PLEKHA2: variants seen among roughly 807,000 people sequenced by gnomAD.
The protein encoded by PLEKHA2 is pleckstrin homology domain containing A2.
Under a neutral mutation model 53.2 loss-of-function variants are expected in PLEKHA2, and 28 were observed. The observed-to-expected ratio is 0.53, with a 90% CI of 0.39 to 0.72. PLEKHA2 has a LOEUF of 0.72. Ranked by LOEUF, PLEKHA2 falls within the 30% of genes least tolerant of loss-of-function variation. The pLI is 0.00. For synonymous variants in PLEKHA2, 193 were observed against 196.4 expected, an observed-to-expected ratio of 0.98 and a Z score of 0.14; for missense variants, 426 against 537.9, an observed-to-expected ratio of 0.79 and a Z score of 2.06.
At chr8:38,967,076 TTAAGA>T (rs1018433398) in intron 10 of PLEKHA2, among the ~76,000 whole-genome samples, 4 of 152,184 alleles carry the variant, frequency 2.6e-5, no homozygotes, top group African/African-American at 7.2e-5. Flanking sequence ...GTTGTTTCAC[TTAAGA>T]TAATAGTTTC....
At chr8:38,934,845 T>A (rs1437533468) in intron 2 of PLEKHA2, among the ~76,000 whole-genome samples, 2 of 151,320 alleles carry the variant, frequency 1.3e-5, no homozygotes, top group Non-Finnish European at 2.9e-5. Context: ...TATTTCTATA[T>A]TGCGTGAGTT....
At chr8:38,968,528 GAGA>G in intron 10 of PLEKHA2, 61 bp from the exon 11 acceptor site, 5 of 1,509,582 alleles carry the variant, frequency 3.3e-6, no homozygotes, top group Non-Finnish European at 4.6e-6. Flanking sequence ...TATTGAGTCA[GAGA>G]CTTGGAAGCT....
intron 10 of PLEKHA2, among the ~76,000 whole-genome samples, chr8:38,957,681 A>G (rs1324726431): frequency 3.3e-5 from 5 of 152,326 alleles, no homozygotes; most frequent in South Asian, 4.1e-4. Flanking sequence ...GAACCGGTCA[A>G]TGATTTCACT....
At chr8:38,951,038 TC>T (rs1210777470) in intron 6 of PLEKHA2, 48 bp downstream of exon 6, 2 of 1,452,368 alleles carry the variant, frequency 1.4e-6, no homozygotes, top group African/African-American at 1.5e-5. Flanking sequence ...TGTGGAAGTG[TC>T]CATGGTGTGC....
intron 5 of PLEKHA2, among the ~76,000 whole-genome samples, chr8:38,947,693 A>G (rs1834740734): frequency 6.6e-6 from 1 of 152,178 alleles, no homozygotes; most frequent in South Asian, 2.1e-4. Context: ...ACTGCATGAC[A>G]CCGGAGCATA....
At chr8:38,955,355 A>G (rs747475718) in intron 9 of PLEKHA2, among the ~76,000 whole-genome samples, 1 of 152,356 alleles carries the variant, frequency 6.6e-6, no homozygotes, top group South Asian at 2.1e-4. Flanking sequence ...TTAGCCAGAA[A>G]GAGGCATTTT....
intron 2 of PLEKHA2, among the ~76,000 whole-genome samples, chr8:38,926,911 A>G (rs1192243568): frequency 3.3e-5 from 5 of 152,218 alleles, no homozygotes; most frequent in Admixed American, 2.6e-4. Flanking sequence ...GCGAGACTCC[A>G]TCTCAAAAAA....
chr8:38,950,767 C>T (rs1834818646), intron 5 of PLEKHA2, 83 bp from the exon 6 acceptor site: 4 of 1,509,936 alleles, frequency 2.6e-6, no homozygotes, highest in Admixed American at 4.1e-5. Context: ...GAGCTTTTCT[C>T]ACGGCAGCCC....
intron 1 of PLEKHA2, among the ~76,000 whole-genome samples, chr8:38,905,331 G>A (rs1397010926): frequency 3.9e-5 from 6 of 151,902 alleles, no homozygotes; most frequent in Non-Finnish European, 7.4e-5. Context: ...AGTAGTGTGC[G>A]CCTGTAGTCC....
At position 38,922,861 on chromosome 8, in the gene PLEKHA2, G is replaced by A. The variant is rs918116544; in HGVS notation, c.141+4791G>A. Among the ~76,000 whole-genome samples the A allele has an allele frequency of 1.3e-5, 2 of 152,174 alleles. No individual in the cohort carries two copies. The highest frequency in any genetic ancestry group is 4.8e-5 in the African/African-American group (2 of 41,444). ...CTGTTGTTACTCTTTGCTCATGGTT[G>A]TGCAGGTGGTAAATGCAGCGCTGGA... On this transcript the variant is annotated intron_variant, in intron 2 of 11. Transcript: ENST00000617275. The surrounding 1 kb of genome is among the most constrained non-coding windows in gnomAD (Gnocchi z 4.0).
intron 10 of PLEKHA2, among the ~76,000 whole-genome samples, chr8:38,962,353 A>C (rs1001918229): frequency 6.6e-6 from 1 of 152,100 alleles, no homozygotes; most frequent in South Asian, 2.1e-4. Context: ...ACCAAAAGAA[A>C]AGAAAAAAAT....
At chr8:38,901,648 A>G (rs1420783897) in intron 1 of PLEKHA2, 1 of 152,080 alleles carries the variant, frequency 6.6e-6, no homozygotes, top group Non-Finnish European at 1.5e-5. Flanking sequence ...GGCCTCCTCC[A>G]ACCCTCTGGG....
At chr8:38,940,740 T>C (rs1176658867) in intron 3 of PLEKHA2, among the ~76,000 whole-genome samples, 2 of 151,606 alleles carry the variant, frequency 1.3e-5, no homozygotes, top group East Asian at 3.9e-4. Context: ...TTACTGTGAG[T>C]TGACACACAA....
chr8:38,905,179 G>A (rs1354165967), intron 1 of PLEKHA2, among the ~76,000 whole-genome samples: 1 of 152,144 alleles, frequency 6.6e-6, no homozygotes, highest in African/African-American at 2.4e-5. Context: ...CATATTGGCT[G>A]GATGCCGTGG....
rs1224610719 is a variant in PLEKHA2, at chr8:38,973,023, G to C, written c.*3240G>C. 6.6e-6 allele frequency: 1 copy of C among 152,000 alleles called. No homozygotes were observed. The highest frequency in any genetic ancestry group is 2.4e-5 in the African/African-American group (1 of 41,318). The allele number at this position is 152,000 out of a possible 1,614,324, so 9.4% of individuals were successfully genotyped here. On this transcript the variant is annotated 3_prime_UTR_variant, in exon 12 of 12. Transcript: ENST00000617275. ...CCTGATCATGGCTCACTGCAGCCTG[G>C]ACCTCCTGGGCTCAAGTGATCTTCC...
rs186655540 is a variant in PLEKHA2 at position 38,947,614 on chromosome 8, G to A, written c.345+1393G>A. On this transcript the variant is annotated intron_variant, in intron 5 of 11. Transcript: ENST00000617275. ...CTTCAGCCTAGGCAACAGAGTGAAA[G>A]CCCATCTCTTAAAGAAGTCTCAGGT... 3.4e-3 allele frequency among the ~76,000 whole-genome samples: 513 copies of A among 152,166 alleles called. 6 individuals carry two copies. Among genetic ancestry groups the A allele is most frequent in the African/African-American group, 0.012 (485 of 41,498 alleles).
At chr8:38,942,667 G>C (rs558318510) in intron 3 of PLEKHA2, among the ~76,000 whole-genome samples, 2 of 152,292 alleles carry the variant, frequency 1.3e-5, no homozygotes, top group East Asian at 3.9e-4. Context: ...CTCCAGGGAG[G>C]CTCAGCCTCC....
intron 3 of PLEKHA2, among the ~76,000 whole-genome samples, chr8:38,940,249 A>G (rs997040809): frequency 6.6e-6 from 1 of 151,632 alleles, no homozygotes. Context: ...AATATAAAAC[A>G]TTAGCCAGGT....
chr8:38,937,399 G>C (rs1372816810), intron 3 of PLEKHA2, among the ~76,000 whole-genome samples: 1 of 152,184 alleles, frequency 6.6e-6, no homozygotes, highest in African/African-American at 2.4e-5. Flanking sequence ...CGTTTCTCCA[G>C]GAGGGTCGGA....
Sources: gnomAD v4.1 joint callset for allele counts (sites outside exome capture counted in the v4.1 genomes callset) on GRCh38, gnomAD v4.1.1 for gene constraint, Gnocchi (gnomAD v3.1) non-coding constraint, MANE v1.5 for transcripts, NCBI Gene and HGNC (gene_info 2026-07-23, HGNC 2026-07-21) for gene names.